Variants in PAK1 observed in about 807,000 individuals in gnomAD.
The protein encoded by PAK1 is p21 (RAC1) activated kinase 1, also known as serine/threonine-protein kinase PAK 1.
PAK1 carries 29 observed loss-of-function variants against 67.4 expected under a neutral mutation model. That is an observed-to-expected ratio of 0.43 (90% CI 0.32 to 0.59). The LOEUF (loss-of-function observed/expected upper bound fraction) is 0.59, where lower values mean the gene tolerates loss of function less well. Among genes scored for constraint, PAK1 ranks in the 20% least tolerant of loss-of-function variants. PAK1 has a pLI of 0.07. For synonymous variants in PAK1, 223 were observed against 237.4 expected (o/e 0.94, Z 0.56); for missense variants, 337 against 670.7 (o/e 0.50, Z 5.50).
intron 10 of PAK1, 61 bp from the exon 11 acceptor site, chr11:77,340,824 G>A (rs573295170): frequency 3.4e-6 from 3 of 894,800 alleles, no homozygotes; most frequent in South Asian, 2.6e-5. Flanking sequence ...CCATAGCACT[G>A]GGTTTCAAAG....
chr11:77,438,720 C>T lies in PAK1; in HGVS notation c.-22+34832G>A, dbSNP rs148675298. ...GTCTTGCTACCAGGAAACCACAGTC[C>T]TAACGTCAGTTCTGTCACAGAACCT... On this transcript the variant is annotated intron_variant, in intron 1 of 14. Coordinates refer to ENST00000356341, the MANE Select transcript of PAK1 (RefSeq NM_002576.5). Among the ~76,000 whole-genome samples the T allele has an allele frequency of 6.6e-4, 101 of 152,246 alleles. 1 individual carries two copies. Among genetic ancestry groups the T allele is most frequent in the Admixed American group, 4.6e-3 (71 of 15,292 alleles).
intron 5 of PAK1, among the ~76,000 whole-genome samples, chr11:77,364,952 G>GA (rs1165640312): frequency 1.3e-5 from 2 of 152,076 alleles, no homozygotes; most frequent in African/African-American, 4.8e-5. Context: ...AAGAATCAAT[G>GA]AATTTGAAAA....
chr11:77,344,956 G>A (rs1415400865), intron 9 of PAK1, among the ~76,000 whole-genome samples: 2 of 152,070 alleles, frequency 1.3e-5, no homozygotes, highest in Non-Finnish European at 2.9e-5. Context: ...CTGGTATCTA[G>A]TCCCCCTTCC....
At chr11:77,441,270 T>C (rs375998459) in intron 1 of PAK1, among the ~76,000 whole-genome samples, 12 of 152,108 alleles carry the variant, frequency 7.9e-5, no homozygotes, top group African/African-American at 2.4e-4. Flanking sequence ...GACATCTAGG[T>C]CCATTTCTCT....
chr11:77,466,234 T>C (rs776583860), intron 1 of PAK1, among the ~76,000 whole-genome samples: 21 of 152,120 alleles, frequency 1.4e-4, no homozygotes, highest in Admixed American at 4.6e-4. Context: ...TTCAACACAT[T>C]TATATGACAG....
In PAK1 at chr11:77,376,956, T is replaced by A. The variant is rs765730839; in HGVS notation, c.439+2285A>T. On this transcript the variant is annotated intron_variant, in intron 4 of 14. Transcript: ENST00000356341. ...TATATAAAATGAGCATAATAGTCCTTGCCCTGCCAATCTAAGGCCATCATA... is the reference window on the plus strand; with the variant it reads ...TATATAAAATGAGCATAATAGTCCTAGCCCTGCCAATCTAAGGCCATCATA... Among the ~76,000 whole-genome samples the A allele has an allele frequency of 5.2e-4, 79 of 152,190 alleles. 2 individuals carry two copies. The highest frequency in any genetic ancestry group is 9.3e-4 in the Non-Finnish European group (63 of 68,002).
At chr11:77,379,416 G>C (rs1054737444) in intron 3 of PAK1, 28 bp from the exon 4 acceptor site, 2 of 1,599,670 alleles carry the variant, frequency 1.3e-6, no homozygotes, top group Non-Finnish European at 1.7e-6. Flanking sequence ...AAGACTAACA[G>C]GAAGGCACAG....
At chr11:77,461,701 C>G (rs980038145) in intron 1 of PAK1, among the ~76,000 whole-genome samples, 8 of 152,268 alleles carry the variant, frequency 5.3e-5, no homozygotes, top group African/African-American at 1.7e-4. Context: ...AAAGGGTTGT[C>G]AGGATGGCAT....
At chr11:77,494,141 A>G in the PAK1 span, among the ~76,000 whole-genome samples, 1 of 152,218 alleles carries the variant, frequency 6.6e-6, no homozygotes, top group East Asian at 1.9e-4. Flanking sequence ...TCCTACAAAG[A>G]AAAAAAATAG....
At chr11:77,356,328 C>T (rs1946030806) in intron 6 of PAK1, 1 of 153,152 alleles carries the variant, frequency 6.5e-6, no homozygotes, top group African/African-American at 2.4e-5. Flanking sequence ...GCAAATAGCA[C>T]TTTGCATTAC....
At chr11:77,434,898 C>T (rs1325820834) in intron 1 of PAK1, among the ~76,000 whole-genome samples, 1 of 152,026 alleles carries the variant, frequency 6.6e-6, no homozygotes, top group Non-Finnish European at 1.5e-5. Flanking sequence ...GGATTACAGA[C>T]ATAAGCCACC....
At chr11:77,400,981 T>A (rs924157625) in intron 1 of PAK1, among the ~76,000 whole-genome samples, 1 of 152,172 alleles carries the variant, frequency 6.6e-6, no homozygotes, top group African/African-American at 2.4e-5. Flanking sequence ...ATTAGGCCTG[T>A]GTGGTGATAG....
At chr11:77,525,154 G>A in the PAK1 span, among the ~76,000 whole-genome samples, 202 of 150,856 alleles carry the variant, frequency 1.3e-3, 1 homozygote, top group African/African-American at 3.2e-3. Flanking sequence ...AGACCAGCCC[G>A]GGCAACATGG....
intron 1 of PAK1, among the ~76,000 whole-genome samples, chr11:77,420,243 C>T (rs184539176): frequency 5.3e-5 from 8 of 152,218 alleles, no homozygotes; most frequent in East Asian, 1.9e-4. Flanking sequence ...AAAGTATGAA[C>T]GGTTTAGGAA....
At chr11:77,421,604 A>G (rs1339414337) in intron 1 of PAK1, among the ~76,000 whole-genome samples, 1 of 152,216 alleles carries the variant, frequency 6.6e-6, no homozygotes, top group Admixed American at 6.5e-5. Flanking sequence ...TGGGTGACAG[A>G]TAAGTAATGG....
intron 1 of PAK1, among the ~76,000 whole-genome samples, chr11:77,461,387 A>G (rs1957336878): frequency 6.6e-6 from 1 of 152,224 alleles, no homozygotes. Flanking sequence ...AGTAAAGAAT[A>G]TTATCCTCCA....
At chr11:77,398,732 T>G (rs1952182267) in intron 1 of PAK1, among the ~76,000 whole-genome samples, 2 of 152,208 alleles carry the variant, frequency 1.3e-5, no homozygotes, top group African/African-American at 2.4e-5. Flanking sequence ...GATAGGTCTA[T>G]CTTTAGTTTT....
chr11:77,358,647 T>A (rs940580925), intron 6 of PAK1, among the ~76,000 whole-genome samples: 2 of 152,126 alleles, frequency 1.3e-5, no homozygotes, highest in Non-Finnish European at 2.9e-5. Context: ...GAACCGAGAC[T>A]GGACTGGTAT....
chr11:77,346,139 A>G (rs1944379849), intron 9 of PAK1, among the ~76,000 whole-genome samples: 1 of 151,946 alleles, frequency 6.6e-6, no homozygotes, highest in Non-Finnish European at 1.5e-5. Flanking sequence ...GCACCCAGCT[A>G]ATTTTGGTAT....
Sources: allele counts gnomAD v4.1 joint callset (sites outside exome capture counted in the v4.1 genomes callset), GRCh38; gene constraint gnomAD v4.1.1; transcripts MANE v1.5; gene names NCBI Gene and HGNC (gene_info 2026-07-23, HGNC 2026-07-21).